The following ZFAND3 variants were observed in gnomAD, a reference collection of about 807,000 sequenced individuals.
ZFAND3 encodes AN1-type zinc finger protein 3.
ZFAND3 carries 10 observed loss-of-function variants against 29.6 expected under a neutral mutation model. The observed-to-expected ratio is 0.34, with a 90% CI of 0.21 to 0.57. The LOEUF (loss-of-function observed/expected upper bound fraction) is 0.57, where lower values mean the gene tolerates loss of function less well. ZFAND3 is among the 20% of genes least tolerant of loss of function. The pLI is 0.86. For missense variants in ZFAND3, 230 were observed against 304.5 expected, an observed-to-expected ratio of 0.76 and a Z score of 1.82; for synonymous variants, 128 against 112.6, an observed-to-expected ratio of 1.14 and a Z score of -0.87.
intron 1 of ZFAND3, among the ~76,000 whole-genome samples, chr6:37,897,077 C>T (rs756728610): frequency 6.6e-6 from 1 of 151,850 alleles, no homozygotes. Flanking sequence ...AAATTTACAA[C>T]GTAATGAATT....
chr6:38,145,264 G>A lies in ZFAND3; in HGVS notation c.530-6971G>A, dbSNP rs778380202. Among the ~76,000 whole-genome samples the A allele has an allele frequency of 5.3e-5, 8 of 152,190 alleles. No homozygotes were observed. In the South Asian group the frequency reaches 8.3e-4, roughly 16 times the overall value. The stretch of plus-strand genomic sequence containing the variant: ...CTGTGCCTAGCCTGCCAGCATTGTC[G>A]AGAGGTAAAGAACACAGAACACACA... On this transcript the variant is annotated intron_variant, in intron 5 of 5. Coordinates refer to ENST00000287218, the MANE Select transcript of ZFAND3 (RefSeq NM_021943.3).
intron 4 of ZFAND3, among the ~76,000 whole-genome samples, chr6:38,087,508 C>T (rs1402850464): frequency 6.6e-6 from 1 of 151,878 alleles, no homozygotes; most frequent in Non-Finnish European, 1.5e-5. Flanking sequence ...ATCTAATAAT[C>T]GATCAAAAAA....
At chr6:37,948,613 A>T (rs1761941788) in intron 2 of ZFAND3, among the ~76,000 whole-genome samples, 1 of 152,140 alleles carries the variant, frequency 6.6e-6, no homozygotes, top group African/African-American at 2.4e-5. Context: ...CCCTCCTTCC[A>T]TCCTCCACCC....
At chr6:37,894,701 G>T (rs531161486) in intron 1 of ZFAND3, among the ~76,000 whole-genome samples, 6 of 152,046 alleles carry the variant, frequency 3.9e-5, no homozygotes, top group Admixed American at 6.5e-5. Context: ...AGATCTGCTC[G>T]TGAGGAATTC....
intron 4 of ZFAND3, among the ~76,000 whole-genome samples, chr6:38,102,298 A>G (rs1581918740): frequency 6.6e-6 from 1 of 152,172 alleles, no homozygotes; most frequent in Non-Finnish European, 1.5e-5. Flanking sequence ...GTACTTAGGC[A>G]TCATAGGGGT....
chr6:37,993,293 G>A (rs540364469), intron 2 of ZFAND3, among the ~76,000 whole-genome samples: 3 of 151,828 alleles, frequency 2.0e-5, no homozygotes, highest in South Asian at 2.1e-4. Flanking sequence ...ATTTCTGTTC[G>A]CCTTTAAAAA....
At position 37,819,936 on chromosome 6, in the gene ZFAND3, G is replaced by T; in HGVS notation, c.-10G>T. The T allele has an allele frequency of 1.6e-6, 2 of 1,218,210 alleles. No individual in the cohort carries two copies. Among genetic ancestry groups the T allele is most frequent in the African/African-American group, 1.6e-5 (1 of 63,494 alleles). The allele number at this position is 1,218,210 out of a possible 1,614,324, so 75.5% of individuals were successfully genotyped here. A position where few individuals can be genotyped will look rare whatever the true frequency, so the allele number is the denominator to read the frequency against. ...GCTGCCGCCGCCGAGCTCCGCCGCC[G>T]CCGAGCACCATGGGAGACGCTGGGA... is the stretch of plus-strand genomic sequence containing the variant. On this transcript the variant is annotated 5_prime_UTR_variant, in exon 1 of 6. Coordinates refer to ENST00000287218, the MANE Select transcript of ZFAND3 (RefSeq NM_021943.3).
chr6:38,006,519 G>A (rs1454248846), intron 2 of ZFAND3, among the ~76,000 whole-genome samples: 3 of 152,058 alleles, frequency 2.0e-5, no homozygotes, highest in Non-Finnish European at 4.4e-5. Context: ...CAACCTGCTT[G>A]CATGCAGCTA....
intron 1 of ZFAND3, among the ~76,000 whole-genome samples, chr6:37,843,443 T>C (rs938455850): frequency 6.3e-4 from 95 of 151,014 alleles, no homozygotes; most frequent in Non-Finnish European, 1.6e-4. Flanking sequence ...ACCGAGATCG[T>C]GCCACTGCAC....
intron 2 of ZFAND3, among the ~76,000 whole-genome samples, chr6:38,044,978 A>G (rs2127457602): frequency 6.6e-6 from 1 of 151,798 alleles, no homozygotes; most frequent in South Asian, 2.1e-4. Context: ...CTGTTTTTAG[A>G]TCTGTTACTT....
At chr6:37,968,716 G>A (rs1000770941) in intron 2 of ZFAND3, among the ~76,000 whole-genome samples, 2 of 151,916 alleles carry the variant, frequency 1.3e-5, no homozygotes, top group African/African-American at 4.8e-5. Context: ...CCGCCTTCCC[G>A]CTTCCCTTTC....
At chr6:38,046,137 A>G (rs868516195) in intron 2 of ZFAND3, among the ~76,000 whole-genome samples, 1 of 152,212 alleles carries the variant, frequency 6.6e-6, no homozygotes, top group Non-Finnish European at 1.5e-5. Context: ...AATGGTAAGC[A>G]CCATCTCTCA....
At chr6:37,944,471 C>G (rs1197945582) in intron 2 of ZFAND3, among the ~76,000 whole-genome samples, 1 of 151,932 alleles carries the variant, frequency 6.6e-6, no homozygotes, top group African/African-American at 2.4e-5. Flanking sequence ...TCTCAAAATC[C>G]CTACATGGCC....
intron 2 of ZFAND3, among the ~76,000 whole-genome samples, chr6:38,003,493 A>G (rs992238000): frequency 4.0e-4 from 58 of 143,472 alleles, no homozygotes; most frequent in South Asian, 2.3e-3. Context: ...ATTAAAAACC[A>G]TCCATAATCT....
At chr6:38,094,499 GAC>G (rs1389414395) in intron 4 of ZFAND3, among the ~76,000 whole-genome samples, 1 of 152,160 alleles carries the variant, frequency 6.6e-6, no homozygotes, top group Non-Finnish European at 1.5e-5. Context: ...TTTCTCTCTT[GAC>G]AGTTTTAGTA....
chr6:37,980,070 C>G (rs1434443584), intron 2 of ZFAND3, among the ~76,000 whole-genome samples: 1 of 152,182 alleles, frequency 6.6e-6, no homozygotes, highest in African/African-American at 2.4e-5. Flanking sequence ...GTTCCCTTCT[C>G]TGTTCCATGG....
In ZFAND3 at chr6:37,979,493, T is replaced by C. The variant is rs560349624; in HGVS notation, c.112+49494T>C. 6.6e-5 allele frequency among the ~76,000 whole-genome samples: 10 copies of C among 152,280 alleles called. No individual in the cohort carries two copies. In the South Asian group the frequency reaches 1.9e-3, roughly 28 times the overall value. ...TTTGGAATTGTGCTTTTATGGTGTG[T>C]GTGTGTTTAAAAGTGGGTTTGGAGA... On this transcript the variant is annotated intron_variant, in intron 2 of 5. Transcript: ENST00000287218.
At chr6:37,834,812 T>TGA (rs1763936069) in intron 1 of ZFAND3, among the ~76,000 whole-genome samples, 1 of 151,398 alleles carries the variant, frequency 6.6e-6, no homozygotes, top group Non-Finnish European at 1.5e-5. Context: ...TATGCTCATA[T>TGA]GCATATATCA....
chr6:37,925,716 A>AAG (rs1173026561), intron 1 of ZFAND3, among the ~76,000 whole-genome samples: 1 of 151,912 alleles, frequency 6.6e-6, no homozygotes, highest in East Asian at 1.9e-4. Flanking sequence ...AAAAAAAAAA[A>AAG]AAAGGTTTCT....
Sources: gnomAD v4.1 joint callset for allele counts (sites outside exome capture counted in the v4.1 genomes callset) on GRCh38, gnomAD v4.1.1 for gene constraint, MANE v1.5 for transcripts, NCBI Gene and HGNC (gene_info 2026-07-23, HGNC 2026-07-21) for gene names.